The following TOX variants were observed in gnomAD, a reference collection of about 807,000 sequenced individuals.
TOX encodes the protein thymocyte selection-associated high mobility group box protein TOX.
Under a neutral mutation model 53.7 loss-of-function variants are expected in TOX, and 11 were observed. The observed-to-expected ratio is 0.20, with a 90% CI of 0.13 to 0.34. TOX has a LOEUF of 0.34. TOX is among the 10% of genes least tolerant of loss of function. TOX has a pLI of 1.00. For missense variants in TOX, 570 were observed against 664.6 expected (o/e 0.86, Z 1.56); for synonymous variants, 225 against 245.3 (o/e 0.92, Z 0.77).
intron 2 of TOX, among the ~76,000 whole-genome samples, chr8:58,957,286 A>G (rs777816491): frequency 2.6e-5 from 4 of 152,228 alleles, no homozygotes; most frequent in Non-Finnish European, 5.9e-5. Flanking sequence ...ACTTATAGCT[A>G]GTATAGGAGA....
intron 1 of TOX, among the ~76,000 whole-genome samples, chr8:59,047,155 A>C (rs911479864): frequency 6.7e-6 from 1 of 149,570 alleles, no homozygotes; most frequent in African/African-American, 2.5e-5. Context: ...TGTGCAAACT[A>C]ATTACATGCA....
At chr8:58,888,813 G>C (rs1284180221) in intron 3 of TOX, among the ~76,000 whole-genome samples, 1 of 151,460 alleles carries the variant, frequency 6.6e-6, no homozygotes, top group Non-Finnish European at 1.5e-5. Flanking sequence ...AATTAAGGAG[G>C]GATTACTCAA....
At chr8:58,915,740 G>C (rs893262871) in intron 3 of TOX, among the ~76,000 whole-genome samples, 1 of 151,932 alleles carries the variant, frequency 6.6e-6, no homozygotes, top group African/African-American at 2.4e-5. Flanking sequence ...GGCTTCAGAC[G>C]ATCAAATTAC....
Position 59,036,358 on chromosome 8 carries a change from T to G in TOX, c.103-76350A>C, listed in dbSNP as rs1005505197. Among the ~76,000 whole-genome samples, 60 of 152,158 alleles carry G rather than the reference T, an allele frequency of 3.9e-4. 1 individual carries two copies. Among genetic ancestry groups the G allele is most frequent in the Non-Finnish European group, 4.4e-5 (3 of 68,014 alleles). ...CTGCAGATGACATTTCAAAGAACAG[T>G]GAGAGAGGCCCAGAGACTCTGGCCT... On this transcript the variant is annotated intron_variant, in intron 1 of 8. Coordinates refer to ENST00000361421, the MANE Select transcript of TOX (RefSeq NM_014729.3).
At chr8:58,957,448 G>T (rs1252333422) in intron 2 of TOX, among the ~76,000 whole-genome samples, 4 of 152,170 alleles carry the variant, frequency 2.6e-5, no homozygotes, top group South Asian at 4.1e-4. Flanking sequence ...TTAAGGATTT[G>T]TATACTCTAG....
chr8:59,064,173 T>C (rs1804046017), intron 1 of TOX, among the ~76,000 whole-genome samples: 1 of 152,176 alleles, frequency 6.6e-6, no homozygotes, highest in Admixed American at 6.5e-5. Context: ...TAAAAATGAA[T>C]GTTTCCTCTA....
intron 1 of TOX, among the ~76,000 whole-genome samples, chr8:59,107,047 G>GGC (rs1554547185): frequency 2.1e-5 from 1 of 46,546 alleles, no homozygotes; most frequent in Non-Finnish European, 3.9e-5. Flanking sequence ...GCAGTTTGCT[G>GGC]GGGGGGGGGG....
intron 3 of TOX, among the ~76,000 whole-genome samples, chr8:58,866,521 T>G (rs1811104790): frequency 6.6e-6 from 1 of 152,366 alleles, no homozygotes; most frequent in Admixed American, 6.5e-5. Context: ...AATTTATGCT[T>G]TCTATCCTTT....
intron 1 of TOX, among the ~76,000 whole-genome samples, chr8:59,059,787 C>T (rs769809531): frequency 3.9e-5 from 6 of 152,060 alleles, no homozygotes; most frequent in Non-Finnish European, 7.4e-5. Context: ...TGCTTTGTGG[C>T]ATTGTTTCAA....
intron 1 of TOX, among the ~76,000 whole-genome samples, chr8:59,026,583 A>G (rs1814242573): frequency 4.6e-5 from 7 of 152,162 alleles, no homozygotes; most frequent in Admixed American, 4.6e-4. Context: ...AGCTTACAGG[A>G]TCTAGAATCC....
chr8:59,079,509 C>A (rs1804358984), intron 1 of TOX, among the ~76,000 whole-genome samples: 1 of 152,208 alleles, frequency 6.6e-6, no homozygotes, highest in Non-Finnish European at 1.5e-5. Context: ...TCAGGTACAG[C>A]TCAGGCCACT....
intron 3 of TOX, among the ~76,000 whole-genome samples, chr8:58,904,474 C>T (rs996194912): frequency 6.6e-6 from 1 of 152,210 alleles, no homozygotes; most frequent in East Asian, 1.9e-4. Context: ...TATGGGGATT[C>T]GAGAACCATT....
At chr8:59,027,656 A>G (rs917704170) in intron 1 of TOX, among the ~76,000 whole-genome samples, 13 of 152,028 alleles carry the variant, frequency 8.6e-5, no homozygotes, top group Non-Finnish European at 1.8e-4. Flanking sequence ...CCTTTGCCCA[A>G]TCTGATTTTT....
rs1215232760 is a variant in TOX at position 59,073,311 on chromosome 8, C to T, written c.102+45575G>A. Among the ~76,000 whole-genome samples, 7 of 152,150 alleles carry T rather than the reference C, an allele frequency of 4.6e-5. No homozygotes were observed. In the East Asian group the frequency reaches 1.3e-3, roughly 29 times the overall value. On this transcript the variant is annotated intron_variant, in intron 1 of 8. Transcript: ENST00000361421. ...AATGAAATTTGTTCAGATTCCATAACCATTGTAACTTATGCATTTTGTTAA... is the reference window on the plus strand; with the variant it reads ...AATGAAATTTGTTCAGATTCCATAATCATTGTAACTTATGCATTTTGTTAA...
chr8:59,113,797 G>A (rs370970627), intron 1 of TOX, among the ~76,000 whole-genome samples: 2 of 152,128 alleles, frequency 1.3e-5, no homozygotes, highest in East Asian at 1.9e-4. Context: ...GTAGACCTGC[G>A]ACTGAGGGCT....
Position 58,939,402 on chromosome 8 carries a change from C to A in TOX, c.311G>T (p.Gly104Val), listed in dbSNP as rs1236627019. 6.2e-7 allele frequency: 1 copy of A among 1,614,036 alleles called. No homozygotes were observed. The highest frequency in any genetic ancestry group is 1.1e-5 in the South Asian group (1 of 91,068). The change falls in exon 3 of 9, where the codon GGC (glycine) becomes GTC (valine). Residue 104 changes from glycine (G) to valine (V), a missense_variant. Physicochemically the swap from Gly to Val is moderately radical, Grantham distance 109 (BLOSUM62 -3). Around this residue, in one of 3 missense-constraint regions of TOX, gnomAD observed 282 missense variants for 315.0 expected, o/e 0.90. Transcript: ENST00000361421. Reference sequence around the variant, plus strand: ...GTTTTGTGGATGAAATGGTAGCAGGCCATTATGGTTCATGGGGTGACACAG... The same window carrying A: ...GTTTTGTGGATGAAATGGTAGCAGGACATTATGGTTCATGGGGTGACACAG... ...HSLCHPMNHN[G>V]LLPFHPQNMD...
At chr8:58,914,565 C>G (rs974016809) in intron 3 of TOX, among the ~76,000 whole-genome samples, 11 of 152,166 alleles carry the variant, frequency 7.2e-5, no homozygotes, top group African/African-American at 2.7e-4. Flanking sequence ...GACAGAAATA[C>G]TGGCATCTAA....
intron 1 of TOX, among the ~76,000 whole-genome samples, chr8:59,085,749 A>T (rs2129423447): frequency 6.6e-6 from 1 of 152,316 alleles, no homozygotes; most frequent in East Asian, 1.9e-4. Context: ...GGAAGACAGC[A>T]GGCTTTGTGT....
chr8:58,815,518 C>T lies in TOX; in HGVS notation c.1212G>A (p.Met404Ile), dbSNP rs1810159788. The change falls in exon 7 of 9, where the codon ATG becomes ATA. Residue 404 changes from methionine (M) to isoleucine (I), a missense_variant. Around this residue, in one of 3 missense-constraint regions of TOX, gnomAD observed 239 missense variants for 250.7 expected, o/e 0.95. Coordinates refer to ENST00000361421, the MANE Select transcript of TOX (RefSeq NM_014729.3). ...RNIAPKPNNQ[M>I]PVTVSIANMA... ...TGTTTGCTATAGAGACAGTCACTGG[C>T]ATTTGGTTATTCGGCTTGGGGGCTA... is the stretch of plus-strand genomic sequence containing the variant. 1 of 1,613,926 alleles carries T rather than the reference C, an allele frequency of 6.2e-7. No individual in the cohort carries two copies. The highest frequency in any genetic ancestry group is 8.5e-7 in the Non-Finnish European group (1 of 1,179,966).
Sources: gnomAD v4.1 joint callset for allele counts (sites outside exome capture counted in the v4.1 genomes callset) on GRCh38, gnomAD v4.1.1 for gene constraint, gnomAD v4.1.1 regional missense constraint, MANE v1.5 for transcripts, NCBI Gene and HGNC (gene_info 2026-07-23, HGNC 2026-07-21) for gene names.